The following EFCC1 variants were observed in gnomAD, a reference collection of about 807,000 sequenced individuals.
EFCC1 encodes EF-hand and coiled-coil domain containing 1.
Under a neutral mutation model 52.1 loss-of-function variants are expected in EFCC1, and 50 were observed. The ratio of observed to expected loss-of-function variants is 0.96; its 90% CI spans 0.76 to 1.21. EFCC1 has a LOEUF of 1.21. Among genes scored for constraint, EFCC1 ranks in the 50% most tolerant of loss-of-function variants. EFCC1 has a pLI of 0.00. For missense variants in EFCC1, 837 were observed against 867.3 expected (o/e 0.97, Z 0.44); for synonymous variants, 399 against 396.5 (o/e 1.01, Z -0.08).
chr3:129,037,523 G>A (rs1313510592), intron 6 of EFCC1, among the ~76,000 whole-genome samples: 1 of 152,128 alleles, frequency 6.6e-6, no homozygotes, highest in Non-Finnish European at 1.5e-5. Flanking sequence ...ACAAATTCAA[G>A]GATGATTCCA....
Position 129,010,598 on chromosome 3 carries a change from T to A in EFCC1, c.980+6521T>A, listed in dbSNP as rs1235476200. ...ATGAGGCCATCTGAGGGCTACCTCC[T>A]TTCTTCTGCCCCATTGCTGCTGCCT... On this transcript the variant is annotated intron_variant, in intron 2 of 7. Coordinates refer to ENST00000683648, the MANE Select transcript of EFCC1 (RefSeq NM_001377500.1). This position sits in a 1 kb window ranked among gnomAD's most constrained non-coding sequence, Gnocchi z 4.3. 6.6e-6 allele frequency among the ~76,000 whole-genome samples: 1 copy of A among 152,020 alleles called. No individual in the cohort carries two copies. Among genetic ancestry groups the A allele is most frequent in the African/African-American group, 2.4e-5 (1 of 41,374 alleles).
At chr3:129,032,177 G>A (rs973977903) in intron 3 of EFCC1, among the ~76,000 whole-genome samples, 2 of 152,266 alleles carry the variant, frequency 1.3e-5, no homozygotes, top group Admixed American at 6.5e-5. Flanking sequence ...AACATTAGAC[G>A]CCTGTAGTTC....
chr3:129,002,003 C>T lies in EFCC1; in HGVS notation c.375C>T (p.Thr125=), dbSNP rs1422887055. ...TGGCCACGGACGGGGACTCAGATAC[C>T]GATGAAGAGGCGCGCCTGGCGCTGC... is the stretch of plus-strand genomic sequence containing the variant. The part of the protein sequence containing the change: ...AELATDGDSD[T]DEEARLALRA... The change falls in exon 1 of 8, where the codon ACC becomes ACT. Residue 125 remains threonine (T), a synonymous_variant. Coordinates refer to ENST00000683648, the MANE Select transcript of EFCC1 (RefSeq NM_001377500.1). 12 of 1,545,740 alleles carry T rather than the reference C, an allele frequency of 7.8e-6. No individual in the cohort carries two copies. The Admixed American group carries it at 9.9e-5, about 13-fold the overall frequency.
intron 2 of EFCC1, among the ~76,000 whole-genome samples, chr3:129,018,472 A>G (rs541751202): frequency 6.6e-5 from 10 of 152,248 alleles, no homozygotes; most frequent in Admixed American, 3.3e-4. Flanking sequence ...AGCCATGTCC[A>G]CTTGTTTACA....
intron 3 of EFCC1, 96 bp from the exon 4 acceptor site, chr3:129,032,723 G>A (rs1946296155): frequency 6.8e-7 from 1 of 1,461,558 alleles, no homozygotes; most frequent in Non-Finnish European, 9.1e-7. Context: ...TGGCACAAGA[G>A]CCCTCCCCTG....
intron 2 of EFCC1, among the ~76,000 whole-genome samples, chr3:129,026,935 G>T (rs114655660): frequency 6.6e-6 from 1 of 152,140 alleles, no homozygotes; most frequent in African/African-American, 2.4e-5. Flanking sequence ...CAAAAAACAC[G>T]AAATTCCAGG....
At chr3:129,025,107 C>T (rs143399510) in intron 2 of EFCC1, among the ~76,000 whole-genome samples, 1 of 152,178 alleles carries the variant, frequency 6.6e-6, no homozygotes, top group South Asian at 2.1e-4. Context: ...CAGTTAAGTT[C>T]GGGCGCTTGT....
intron 2 of EFCC1, among the ~76,000 whole-genome samples, chr3:129,004,365 C>T (rs1944967912): frequency 7.3e-6 from 1 of 136,278 alleles, no homozygotes; most frequent in African/African-American, 2.7e-5. Context: ...TGTCCATTCA[C>T]TCACCCCCCC....
Position 129,002,163 on chromosome 3 carries a change from C to A in EFCC1, c.535C>A (p.Pro179Thr). ...CGAGACGCAGATCCGCCTGCGCCGT[C>A]CGCGCCGCCGCCGCCGCCCGCCCTG... The part of the protein sequence containing the change: ...HIETQIRLRR[P>T]RRRRRPPCAP... Residue 179 changes from proline (P) to threonine (T), a missense_variant, in exon 1 of 8, where the codon CCG becomes ACG. Transcript: ENST00000683648. 4 of 1,472,270 alleles carry A rather than the reference C, an allele frequency of 2.7e-6. No homozygotes were observed. Among genetic ancestry groups the A allele is most frequent in the South Asian group, 1.4e-5 (1 of 73,454 alleles). 91.2% of individuals were successfully genotyped at this position (1,472,270 alleles called of 1,614,324 possible).
intron 2 of EFCC1, among the ~76,000 whole-genome samples, chr3:129,012,685 G>C (rs1945381993): frequency 6.6e-6 from 1 of 152,212 alleles, no homozygotes; most frequent in African/African-American, 2.4e-5. Context: ...TGGGCCAAGA[G>C]TTGGGTGGCC....
chr3:129,025,294 G>A (rs1040788356), intron 2 of EFCC1, among the ~76,000 whole-genome samples: 2 of 152,052 alleles, frequency 1.3e-5, no homozygotes, highest in Admixed American at 1.3e-4. Context: ...ATTAGGGGTC[G>A]GGACGGAGAG....
intron 2 of EFCC1, among the ~76,000 whole-genome samples, chr3:129,007,575 G>A (rs570951518): frequency 6.6e-6 from 1 of 152,330 alleles, no homozygotes; most frequent in East Asian, 1.9e-4. Flanking sequence ...CACAGATACT[G>A]ACTCACGCTG....
chr3:129,022,101 C>T (rs1945874884), intron 2 of EFCC1, among the ~76,000 whole-genome samples: 1 of 152,170 alleles, frequency 6.6e-6, no homozygotes, highest in African/African-American at 2.4e-5. Flanking sequence ...GCTTCAGATC[C>T]TCTAGGATCA....
chr3:129,002,672 A>G, intron 1 of EFCC1: 1 of 307,642 alleles, frequency 3.3e-6, no homozygotes, highest in Admixed American at 5.2e-5. Flanking sequence ...TTCAACAAGC[A>G]TCTTTCTCTC....
rs936265811 is a variant in EFCC1, at chr3:129,039,914, A to C, written c.*66A>C. On this transcript the variant is annotated 3_prime_UTR_variant, in exon 8 of 8. Transcript: ENST00000683648. ...TGCCTTTGGACCAGCCTCCATGATC[A>C]GCCCAACCACTGACAGCTGGTCTGA... 3.3e-6 allele frequency: 5 copies of C among 1,521,242 alleles called. No individual in the cohort carries two copies. In the Admixed American group the frequency reaches 7.7e-5, roughly 24 times the overall value. 94.2% of individuals were successfully genotyped at this position (1,521,242 alleles called of 1,614,324 possible).
At chr3:129,033,189 C>T (rs1946307354) in intron 4 of EFCC1, among the ~76,000 whole-genome samples, 1 of 152,190 alleles carries the variant, frequency 6.6e-6, no homozygotes, top group South Asian at 2.1e-4. Context: ...GCTTTAATTC[C>T]CATTCGTGCT....
Position 129,040,126 on chromosome 3 carries a change from A to C in EFCC1, c.*278A>C, listed in dbSNP as rs1946405478. On this transcript the variant is annotated 3_prime_UTR_variant, in exon 8 of 8. Transcript: ENST00000683648. The surrounding 1 kb of genome is among the most constrained non-coding windows in gnomAD (Gnocchi z 4.4). ...CCCTGCAGTTGCTGGATCAGCCTGCACCTGATGCTGTATCTTTCCCCTGCC... is the reference window on the plus strand; with the variant it reads ...CCCTGCAGTTGCTGGATCAGCCTGCCCCTGATGCTGTATCTTTCCCCTGCC... 1 of 401,686 alleles carries C rather than the reference A, an allele frequency of 2.5e-6. No individual in the cohort carries two copies. The highest frequency in any genetic ancestry group is 4.4e-6 in the Non-Finnish European group (1 of 226,668). The allele number at this position is 401,686 out of a possible 1,614,324, so 24.9% of individuals were successfully genotyped here. A position where few individuals can be genotyped will look rare whatever the true frequency, so the allele number is the denominator to read the frequency against.
rs747642069 is a variant in EFCC1 at position 129,039,995 on chromosome 3, C to T, written c.*147C>T. The T allele has an allele frequency of 1.9e-5, 22 of 1,142,554 alleles. No homozygotes were observed. The highest frequency in any genetic ancestry group is 1.2e-4 in the South Asian group (6 of 50,520). 70.8% of individuals were successfully genotyped at this position (1,142,554 alleles called of 1,614,324 possible). A position where few individuals can be genotyped will look rare whatever the true frequency, so the allele number is the denominator to read the frequency against. ...TGCTGGCTCCTTCCAAGGTTAAGCC[C>T]GAGCCCAGAGCCTCCCATTGCAGCA... On this transcript the variant is annotated 3_prime_UTR_variant, in exon 8 of 8. Coordinates refer to ENST00000683648, the MANE Select transcript of EFCC1 (RefSeq NM_001377500.1).
Position 129,039,803 on chromosome 3 carries a change from CTCTGCAGCAGCT to C in EFCC1, c.1756_1767del (p.Ser586_Ala589del). On this transcript the variant is annotated inframe_deletion, in exon 8 of 8. Coordinates refer to ENST00000683648, the MANE Select transcript of EFCC1 (RefSeq NM_001377500.1). ...TGCGGAGACAGCCCTCGGCACCAGCCTCTGCAGCAGCTGCGCTCACCAACCCCCTCCTCGTCT... is the reference window on the plus strand; with the variant it reads ...TGCGGAGACAGCCCTCGGCACCAGCCGCGCTCACCAACCCCCTCCTCGTCT... The C allele has an allele frequency of 6.2e-7, 1 of 1,612,372 alleles. No homozygotes were observed. The highest frequency in any genetic ancestry group is 8.5e-7 in the Non-Finnish European group (1 of 1,178,950).
Sources: gnomAD v4.1 joint callset for allele counts (sites outside exome capture counted in the v4.1 genomes callset) on GRCh38, gnomAD v4.1.1 for gene constraint, Gnocchi (gnomAD v3.1) non-coding constraint, MANE v1.5 for transcripts, NCBI Gene and HGNC (gene_info 2026-07-23, HGNC 2026-07-21) for gene names.